DCC: variants seen among roughly 807,000 people sequenced by gnomAD.
DCC encodes netrin receptor DCC.
A neutral mutation model predicts 172.5 loss-of-function variants in DCC; 58 were observed. That is an observed-to-expected ratio of 0.34 (90% CI 0.27 to 0.42). The LOEUF is 0.42. Ranked by LOEUF, DCC falls within the 10% of genes least tolerant of loss-of-function variation. The pLI is 1.00. For missense variants in DCC, 1,740 were observed against 1,791.0 expected (o/e 0.97, Z 0.51); for synonymous variants, 709 against 644.5 (o/e 1.10, Z -1.52).
At chr18:53,325,489 A>T (rs1229499526) in intron 14 of DCC, among the ~76,000 whole-genome samples, 1 of 152,220 alleles carries the variant, frequency 6.6e-6, no homozygotes, top group East Asian at 1.9e-4. Flanking sequence ...ACTCTGAATG[A>T]GTCACAACTT....
chr18:53,187,547 A>G lies in DCC; in HGVS notation c.1573+8431A>G, dbSNP rs117506887. Among the ~76,000 whole-genome samples, 1,017 of 152,284 alleles carry G rather than the reference A, an allele frequency of 6.7e-3. 13 individuals are homozygous for G. The highest frequency in any genetic ancestry group is 0.02 in the South Asian group (98 of 4,834). On this transcript the variant is annotated intron_variant, in intron 9 of 28. Coordinates refer to ENST00000442544, the MANE Select transcript of DCC (RefSeq NM_005215.4). The stretch of plus-strand genomic sequence containing the variant: ...CTTTTAGTATAAAATATTTTAGTAT[A>G]TTTTAGAAATTATCTGATCTAACAC...
intron 19 of DCC, among the ~76,000 whole-genome samples, chr18:53,403,730 G>A (rs969008402): frequency 6.6e-6 from 1 of 152,024 alleles, no homozygotes; most frequent in Non-Finnish European, 1.5e-5. Context: ...TACAAGAGCT[G>A]GATAGCACTA....
At chr18:52,398,137 G>A (rs56386488) in intron 1 of DCC, among the ~76,000 whole-genome samples, 14,421 of 132,598 alleles carry the variant, frequency 0.11, 878 homozygotes, top group South Asian at 0.17. Flanking sequence ...ACATACATTG[G>A]TAATAGAATA....
At chr18:52,580,987 G>A (rs1341805929) in intron 1 of DCC, among the ~76,000 whole-genome samples, 1 of 152,118 alleles carries the variant, frequency 6.6e-6, no homozygotes, top group East Asian at 1.9e-4. Context: ...CAGTTCTGAA[G>A]CTGTTATCAA....
In DCC at chr18:53,090,698, C is replaced by CAAAA. The variant is rs59898050; in HGVS notation, c.1261+24565_1261+24568dup. Among the ~76,000 whole-genome samples, 20 of 39,354 alleles carry CAAAA rather than the reference C, an allele frequency of 5.1e-4. 3 individuals are homozygous for CAAAA. The highest frequency in any genetic ancestry group is 7.1e-4 in the Non-Finnish European group (13 of 18,212). 25.8% of individuals were successfully genotyped at this position (39,354 alleles called of 152,430 possible). A position where few individuals can be genotyped will look rare whatever the true frequency, so the allele number is the denominator to read the frequency against. On this transcript the variant is annotated intron_variant, in intron 7 of 28. Transcript: ENST00000442544. ...GACAGAGCGAAACTCCGTCCCCCAA[C>CAAAA]AAAAAAAAAAAAAAAAAAAAAAAAA...
chr18:52,748,664 G>A (rs2036946926), intron 1 of DCC, among the ~76,000 whole-genome samples: 1 of 152,200 alleles, frequency 6.6e-6, no homozygotes, highest in Admixed American at 6.5e-5. Context: ...TTTTGCACCT[G>A]ATGTTCAATG....
At chr18:53,117,301 G>T (rs1471706454) in intron 7 of DCC, among the ~76,000 whole-genome samples, 21 of 151,624 alleles carry the variant, frequency 1.4e-4, no homozygotes, top group Admixed American at 1.3e-3. Context: ...GATGGTTTTT[G>T]ACCTACAAAA....
At chr18:53,502,628 T>A (rs1372940617) in intron 27 of DCC, among the ~76,000 whole-genome samples, 4 of 152,000 alleles carry the variant, frequency 2.6e-5, no homozygotes, top group Non-Finnish European at 5.9e-5. Flanking sequence ...TTAAAAAAAA[T>A]ACCTCAAATA....
chr18:52,396,839 G>A (rs1048831266), intron 1 of DCC, among the ~76,000 whole-genome samples: 1 of 151,918 alleles, frequency 6.6e-6, no homozygotes, highest in African/African-American at 2.4e-5. Flanking sequence ...ACAAATGCCT[G>A]GAATGAAAAG....
At position 52,508,571 on chromosome 18, in the gene DCC, G is replaced by A. The variant is rs115459592; in HGVS notation, c.91+167693G>A. 2.4e-3 allele frequency among the ~76,000 whole-genome samples: 365 copies of A among 152,278 alleles called. 2 individuals are homozygous for A. Among genetic ancestry groups the A allele is most frequent in the African/African-American group, 8.5e-3 (354 of 41,560 alleles). ...AACAGTAACTCAATTGATTGGGGCTGTAAAGTAATTCCACACAGCATTGAC... is the reference window on the plus strand; with the variant it reads ...AACAGTAACTCAATTGATTGGGGCTATAAAGTAATTCCACACAGCATTGAC... On this transcript the variant is annotated intron_variant, in intron 1 of 28. Coordinates refer to ENST00000442544, the MANE Select transcript of DCC (RefSeq NM_005215.4).
chr18:53,353,978 G>T (rs1257915220), intron 15 of DCC, among the ~76,000 whole-genome samples: 1 of 152,046 alleles, frequency 6.6e-6, no homozygotes, highest in South Asian at 2.1e-4. Context: ...TGTTCTCGTT[G>T]TTCAATTCCC....
At chr18:52,433,226 C>G (rs769692519) in intron 1 of DCC, among the ~76,000 whole-genome samples, 2 of 152,122 alleles carry the variant, frequency 1.3e-5, no homozygotes, top group Non-Finnish European at 2.9e-5. Context: ...ATTAAACCCA[C>G]TTGTGTTCAT....
intron 2 of DCC, among the ~76,000 whole-genome samples, chr18:52,804,240 T>C (rs2038046342): frequency 2.3e-5 from 2 of 86,854 alleles, no homozygotes; most frequent in South Asian, 5.5e-4. Context: ...TCTTATTTAG[T>C]GTATACAACT....
At chr18:52,969,087 C>T (rs1424166102) in intron 5 of DCC, among the ~76,000 whole-genome samples, 1 of 152,086 alleles carries the variant, frequency 6.6e-6, no homozygotes, top group Non-Finnish European at 1.5e-5. Flanking sequence ...TATTCTTGTT[C>T]TCTAGGGCTC....
intron 5 of DCC, among the ~76,000 whole-genome samples, chr18:52,932,401 G>C (rs939896503): frequency 6.6e-6 from 1 of 152,124 alleles, no homozygotes; most frequent in Admixed American, 6.6e-5. Flanking sequence ...GTGCAGAAAT[G>C]CATAATTTAA....
chr18:52,401,743 G>A (rs1448871601), intron 1 of DCC, among the ~76,000 whole-genome samples: 1 of 151,958 alleles, frequency 6.6e-6, no homozygotes, highest in East Asian at 1.9e-4. Flanking sequence ...ACTAGGAAAA[G>A]AACAAGCTTT....
intron 1 of DCC, among the ~76,000 whole-genome samples, chr18:52,607,053 A>G (rs972225415): frequency 6.6e-6 from 1 of 152,154 alleles, no homozygotes; most frequent in African/African-American, 2.4e-5. Context: ...CAGGATGGCC[A>G]GGAACAAACA....
chr18:52,405,646 A>G (rs1439728630), intron 1 of DCC, among the ~76,000 whole-genome samples: 1 of 151,082 alleles, frequency 6.6e-6, no homozygotes, highest in South Asian at 2.1e-4. Context: ...GGAGAACTAC[A>G]AACCACTGCT....
chr18:53,350,032 G>A (rs1020014045), intron 15 of DCC, among the ~76,000 whole-genome samples: 1 of 151,810 alleles, frequency 6.6e-6, no homozygotes, highest in Non-Finnish European at 1.5e-5. Flanking sequence ...CAATGGAAAA[G>A]ATAAAAAGTA....
Sources: gnomAD v4.1 joint callset for allele counts (sites outside exome capture counted in the v4.1 genomes callset) on GRCh38, gnomAD v4.1.1 for gene constraint, MANE v1.5 for transcripts, NCBI Gene and HGNC (gene_info 2026-07-23, HGNC 2026-07-21) for gene names.